DAB1: variants seen among roughly 807,000 people sequenced by gnomAD.
DAB1 encodes DAB adaptor protein 1.
DAB1 carries 15 observed loss-of-function variants against 64.6 expected under a neutral mutation model. That is an observed-to-expected ratio of 0.23 (90% confidence interval 0.16 to 0.36). DAB1 has a LOEUF of 0.36. Ranked by LOEUF, DAB1 falls within the 10% of genes least tolerant of loss-of-function variation. DAB1 has a pLI of 1.00. For synonymous variants in DAB1, 235 were observed against 251.9 expected, an observed-to-expected ratio of 0.93 and a Z score of 0.64; for missense variants, 596 against 706.7, an observed-to-expected ratio of 0.84 and a Z score of 1.78.
intron 3 of DAB1, among the ~76,000 whole-genome samples, chr1:58,412,254 G>T (rs1430629252): frequency 6.6e-6 from 1 of 152,184 alleles, no homozygotes; most frequent in African/African-American, 2.4e-5. Flanking sequence ...ACCATAAGAT[G>T]GCAAGAGAGA....
intron 2 of DAB1, among the ~76,000 whole-genome samples, chr1:57,171,153 A>G (rs1347932062): frequency 6.6e-6 from 1 of 152,174 alleles, no homozygotes; most frequent in African/African-American, 2.4e-5. Flanking sequence ...TACTGGTGCT[A>G]TTGTCTAGCC....
At chr1:57,736,387 C>G (rs979181023) in intron 6 of DAB1, among the ~76,000 whole-genome samples, 1 of 152,146 alleles carries the variant, frequency 6.6e-6, no homozygotes, top group Admixed American at 6.5e-5. Context: ...GTTTTGACTT[C>G]GTGCATATCT....
chr1:57,078,808 C>T (rs752342687), intron 4 of DAB1, among the ~76,000 whole-genome samples: 4 of 152,260 alleles, frequency 2.6e-5, no homozygotes, highest in Non-Finnish European at 4.4e-5. Flanking sequence ...GATGTGCATA[C>T]GCCGGCTCTA....
At chr1:57,570,414 T>A (rs1570637645) in intron 7 of DAB1, among the ~76,000 whole-genome samples, 1 of 150,364 alleles carries the variant, frequency 6.7e-6, no homozygotes, top group Non-Finnish European at 1.5e-5. Context: ...ATATATATAC[T>A]GCTTTAGTTC....
At chr1:58,087,696 C>G (rs1023580316) in intron 5 of DAB1, among the ~76,000 whole-genome samples, 30 of 151,574 alleles carry the variant, frequency 2.0e-4, no homozygotes, top group African/African-American at 7.1e-4. Context: ...GGAAGCAGAA[C>G]AGCATTTACC....
Position 57,026,461 on chromosome 1 carries a change from T to C in DAB1, c.724-418A>G, listed in dbSNP as rs538433931. The stretch of plus-strand genomic sequence containing the variant: ...TTCCATGTGCAAGTATGGACATGAC[T>C]TCATGGTCACGTCAGTAAGGGCTCC... On this transcript the variant is annotated intron_variant, in intron 9 of 14. Transcript: ENST00000371236. 1.2e-4 allele frequency among the ~76,000 whole-genome samples: 18 copies of C among 152,278 alleles called. No homozygotes were observed. The East Asian group carries it at 2.9e-3, about 25-fold the overall frequency.
At chr1:58,197,965 G>C (rs1657780672) in intron 4 of DAB1, among the ~76,000 whole-genome samples, 1 of 152,190 alleles carries the variant, frequency 6.6e-6, no homozygotes, top group Non-Finnish European at 1.5e-5. Flanking sequence ...GTTTGATTGA[G>C]ATTCCCAAGT....
chr1:57,194,458 T>C (rs1185480837), intron 2 of DAB1, among the ~76,000 whole-genome samples: 1 of 152,042 alleles, frequency 6.6e-6, no homozygotes, highest in Non-Finnish European at 1.5e-5. Flanking sequence ...TCAAAGACAG[T>C]GATAAAATAA....
chr1:58,216,255 C>G (rs1461604021), intron 4 of DAB1, among the ~76,000 whole-genome samples: 1 of 152,084 alleles, frequency 6.6e-6, no homozygotes, highest in East Asian at 1.9e-4. Context: ...GTTCAACTCC[C>G]ACTTATGAGT....
At chr1:57,358,359 A>G (rs1198132965) in intron 1 of DAB1, among the ~76,000 whole-genome samples, 3 of 152,008 alleles carry the variant, frequency 2.0e-5, no homozygotes, top group East Asian at 1.9e-4. Flanking sequence ...TATTATAAAG[A>G]GATGTTACAT....
intron 2 of DAB1, among the ~76,000 whole-genome samples, chr1:57,266,881 A>G (rs1175394418): frequency 6.6e-6 from 1 of 152,114 alleles, no homozygotes; most frequent in Non-Finnish European, 1.5e-5. Context: ...ATTCCACAAA[A>G]TAGACTTGCT....
chr1:57,301,250 A>C (rs1014657091), intron 1 of DAB1, among the ~76,000 whole-genome samples: 9 of 152,198 alleles, frequency 5.9e-5, no homozygotes, highest in African/African-American at 2.2e-4. Flanking sequence ...GAGGGAGATT[A>C]AACAAGGCCT....
At chr1:57,414,015 T>C (rs962792521) in intron 1 of DAB1, among the ~76,000 whole-genome samples, 11 of 152,172 alleles carry the variant, frequency 7.2e-5, no homozygotes, top group African/African-American at 1.9e-4. Context: ...AGTTACTTCT[T>C]ATGGATGAGC....
At chr1:57,669,902 C>T (rs547286926) in intron 6 of DAB1, among the ~76,000 whole-genome samples, 83 of 152,252 alleles carry the variant, frequency 5.5e-4, no homozygotes, top group African/African-American at 2.0e-3. Context: ...GCATGGAATT[C>T]AGGATTTACT....
At chr1:57,300,420 A>G (rs1411093999) in intron 1 of DAB1, among the ~76,000 whole-genome samples, 3 of 152,190 alleles carry the variant, frequency 2.0e-5, no homozygotes, top group Admixed American at 6.5e-5. Context: ...CAGAGTTAAC[A>G]GGGGGGATGC....
At chr1:57,997,251 G>A (rs779188596) in intron 5 of DAB1, among the ~76,000 whole-genome samples, 5 of 152,116 alleles carry the variant, frequency 3.3e-5, no homozygotes, top group Admixed American at 6.5e-5. Flanking sequence ...AGCCTCCAGT[G>A]AGCACATGTA....
intron 9 of DAB1, among the ~76,000 whole-genome samples, chr1:57,056,754 C>T (rs1437296445): frequency 6.6e-6 from 1 of 151,862 alleles, no homozygotes; most frequent in Non-Finnish European, 1.5e-5. Flanking sequence ...ATCCCAGTTA[C>T]TTGGGAGGCT....
chr1:57,636,655 G>A (rs1646060791), intron 7 of DAB1, among the ~76,000 whole-genome samples: 1 of 152,192 alleles, frequency 6.6e-6, no homozygotes. Context: ...GAGATATGGG[G>A]TGTACAAAAG....
chr1:58,398,135 C>T (rs946082187), intron 3 of DAB1, among the ~76,000 whole-genome samples: 2 of 152,312 alleles, frequency 1.3e-5, no homozygotes, highest in East Asian at 1.9e-4. Flanking sequence ...TTCCCTGCTT[C>T]CCCACATAAA....
Sources: gnomAD v4.1 joint callset for allele counts (sites outside exome capture counted in the v4.1 genomes callset) on GRCh38, gnomAD v4.1.1 for gene constraint, MANE v1.5 for transcripts, NCBI Gene and HGNC (gene_info 2026-07-23, HGNC 2026-07-21) for gene names.